UBE3C: variants seen among roughly 807,000 people sequenced by gnomAD.
UBE3C encodes the protein ubiquitin-protein ligase E3C.
In UBE3C, 42 loss-of-function variants were observed where a neutral mutation model predicts 129.4. The observed-to-expected ratio is 0.32, with a 90% CI of 0.25 to 0.42. The LOEUF is 0.42. UBE3C is among the 10% of genes least tolerant of loss of function. The pLI, the probability that UBE3C is intolerant of heterozygous loss-of-function variation, is 1.00. For synonymous variants in UBE3C, 510 were observed against 492.4 expected (o/e 1.04, Z -0.47); for missense variants, 1,049 against 1,319.1 (o/e 0.80, Z 3.17).
intron 10 of UBE3C, chr7:157,192,593 T>C (rs934323292): frequency 3.9e-6 from 3 of 765,434 alleles, no homozygotes; most frequent in African/African-American, 3.4e-5. Context: ...TTCGTGGTGG[T>C]GCTAAGAAAA....
intron 18 of UBE3C, among the ~76,000 whole-genome samples, chr7:157,236,651 T>C (rs1329945622): frequency 5.3e-5 from 8 of 152,194 alleles, no homozygotes; most frequent in Non-Finnish European, 8.8e-5. Flanking sequence ...TTGAGGTGAA[T>C]ACTAGTCATT....
At chr7:157,215,631 T>A (rs1795541720) in intron 13 of UBE3C, among the ~76,000 whole-genome samples, 1 of 151,612 alleles carries the variant, frequency 6.6e-6, no homozygotes, top group African/African-American at 2.4e-5. Flanking sequence ...GATTTTGTTT[T>A]TTCTGTGGTG....
At chr7:157,233,903 G>A in intron 18 of UBE3C, among the ~76,000 whole-genome samples, 1 of 152,172 alleles carries the variant, frequency 6.6e-6, no homozygotes, top group East Asian at 1.9e-4. Flanking sequence ...TAGTGGGTGG[G>A]AATTGGTATC....
chr7:157,245,354 A>G (rs1584817450), intron 18 of UBE3C, among the ~76,000 whole-genome samples: 3 of 152,350 alleles, frequency 2.0e-5, no homozygotes, highest in Admixed American at 2.0e-4. Flanking sequence ...CCACTGTACA[A>G]ATGAGGGCTT....
intron 18 of UBE3C, among the ~76,000 whole-genome samples, chr7:157,239,127 T>C (rs891298047): frequency 3.3e-5 from 5 of 152,224 alleles, no homozygotes; most frequent in African/African-American, 1.2e-4. Flanking sequence ...AAGAGAAATG[T>C]GTACCTATTA....
rs577902385 is a variant in UBE3C at position 157,149,095 on chromosome 7, C to T, written c.66+9757C>T. ...TTTTGAGATAGAGTTTTGCTCTTGT[C>T]GCCCAGGCTGGAGTGCAATGGCTCA... is the stretch of plus-strand genomic sequence containing the variant. On this transcript the variant is annotated intron_variant, in intron 1 of 22. Coordinates refer to ENST00000348165, the MANE Select transcript of UBE3C (RefSeq NM_014671.3). Among the ~76,000 whole-genome samples, 19 of 152,120 alleles carry T rather than the reference C, an allele frequency of 1.2e-4. 1 individual carries two copies. In the South Asian group the frequency reaches 3.1e-3, roughly 25 times the overall value.
Position 157,257,053 on chromosome 7 carries a change from CT to C in UBE3C, c.3081+12del, listed in dbSNP as rs1796770465. 3 of 1,613,782 alleles carry C rather than the reference CT, an allele frequency of 1.9e-6. No individual in the cohort carries two copies. The highest frequency in any genetic ancestry group is 2.7e-5 in the African/African-American group (2 of 74,910). On this transcript the variant is annotated intron_variant, in intron 22 of 22. Coordinates refer to ENST00000348165, the MANE Select transcript of UBE3C (RefSeq NM_014671.3). ...CTCTCTTGGGGTTTAAGGTACACAACTTTCATGACATTTGCTTTAAAGACCA... is the reference window on the plus strand; with the variant it reads ...CTCTCTTGGGGTTTAAGGTACACAACTTCATGACATTTGCTTTAAAGACCA...
At chr7:157,209,167 C>A (rs544887282) in intron 13 of UBE3C, among the ~76,000 whole-genome samples, 8 of 152,172 alleles carry the variant, frequency 5.3e-5, no homozygotes, top group Non-Finnish European at 1.0e-4. Flanking sequence ...TTGCACTTAA[C>A]CTGATGGGCT....
chr7:157,182,291 T>C lies in UBE3C; in HGVS notation c.954T>C (p.Leu318=). The C allele has an allele frequency of 6.2e-7, 1 of 1,613,724 alleles. No homozygotes were observed. Among genetic ancestry groups the C allele is most frequent in the South Asian group, 1.1e-5 (1 of 90,946 alleles). The change falls in exon 8 of 23, where the codon CTT becomes CTC. Residue 318 remains leucine (L), a synonymous_variant. Transcript: ENST00000348165. ...GAAAGAGTGGTGGAGCACCCTGGCTTTTCTATTTCGTTTTAACTGTTGGCG... is the reference window on the plus strand; with the variant it reads ...GAAAGAGTGGTGGAGCACCCTGGCTCTTCTATTTCGTTTTAACTGTTGGCG... ...CSRKSGGAPW[L]FYFVLTVGEN...
intron 22 of UBE3C, among the ~76,000 whole-genome samples, chr7:157,266,598 C>T (rs1797084908): frequency 6.6e-6 from 1 of 152,202 alleles, no homozygotes; most frequent in Admixed American, 6.5e-5. Context: ...GCTTCTAAAA[C>T]AGCCGTGTTC....
intron 10 of UBE3C, among the ~76,000 whole-genome samples, chr7:157,197,399 A>G (rs78250632): frequency 1.3e-5 from 2 of 152,320 alleles, no homozygotes; most frequent in South Asian, 4.1e-4. Flanking sequence ...TAAAAACTCA[A>G]ACATACTTAT....
intron 10 of UBE3C, 114 bp downstream of exon 10, chr7:157,187,135 T>C: frequency 8.2e-7 from 1 of 1,226,582 alleles, no homozygotes; most frequent in Non-Finnish European, 1.1e-6. Flanking sequence ...GAGATTGATG[T>C]AGGATATTCT....
intron 17 of UBE3C, among the ~76,000 whole-genome samples, chr7:157,226,960 G>A (rs1368369146): frequency 6.6e-6 from 1 of 151,982 alleles, no homozygotes; most frequent in African/African-American, 2.4e-5. Flanking sequence ...GATGTTTTGG[G>A]GTCCCACAGT....
chr7:157,220,508 G>A (rs889333305), intron 14 of UBE3C, among the ~76,000 whole-genome samples, 181 bp from the exon 15 acceptor site: 1 of 152,204 alleles, frequency 6.6e-6, no homozygotes, highest in African/African-American at 2.4e-5. Context: ...AGTATGAAAG[G>A]ACAGCTAGCA....
At chr7:157,174,614 G>A (rs775736045) in intron 4 of UBE3C, among the ~76,000 whole-genome samples, 14 of 151,872 alleles carry the variant, frequency 9.2e-5, no homozygotes, top group Non-Finnish European at 1.9e-4. Flanking sequence ...CACCACGCTC[G>A]GCTAATTTTT....
chr7:157,203,525 A>G (rs1178480128), intron 11 of UBE3C, among the ~76,000 whole-genome samples: 2 of 152,208 alleles, frequency 1.3e-5, no homozygotes, highest in African/African-American at 4.8e-5. Context: ...TCGTTTACCC[A>G]TAAGTGCCTC....
At chr7:157,195,208 T>A (rs140297808) in intron 10 of UBE3C, among the ~76,000 whole-genome samples, 2 of 152,300 alleles carry the variant, frequency 1.3e-5, no homozygotes, top group East Asian at 3.9e-4. Flanking sequence ...GAGACGGGAT[T>A]TTCCAGGAAA....
intron 4 of UBE3C, among the ~76,000 whole-genome samples, chr7:157,171,684 ATATTTTTTTTTTTTTTTTTTTTTT>A (rs1235054702): frequency 0.03 from 1,649 of 54,594 alleles, 85 homozygotes; most frequent in African/African-American, 0.086. Context: ...ATATATATAT[ATATTTTTTTTTTTTTTTTTTTTTT>A]TTTTTTTTTT....
At chr7:157,155,154 C>T (rs1807867850) in intron 1 of UBE3C, among the ~76,000 whole-genome samples, 1 of 152,064 alleles carries the variant, frequency 6.6e-6, no homozygotes, top group Non-Finnish European at 1.5e-5. Context: ...ATTCTTATTT[C>T]ATGTAGGTCT....
Sources: gnomAD v4.1 joint callset for allele counts (sites outside exome capture counted in the v4.1 genomes callset) on GRCh38, gnomAD v4.1.1 for gene constraint, MANE v1.5 for transcripts, NCBI Gene and HGNC (gene_info 2026-07-23, HGNC 2026-07-21) for gene names.